Variants in REPS2 observed in about 807,000 individuals in gnomAD.
REPS2 encodes ralBP1-associated Eps domain-containing protein 2.
A neutral mutation model predicts 53.6 loss-of-function variants in REPS2; 23 were observed. That is an observed-to-expected ratio of 0.43 (90% CI 0.31 to 0.61). REPS2 has a LOEUF of 0.61. Ranked by LOEUF, REPS2 falls within the 20% of genes least tolerant of loss-of-function variation. REPS2 has a pLI of 0.11. For missense variants in REPS2, 446 were observed against 534.9 expected (o/e 0.83, Z 1.64); for synonymous variants, 238 against 218.6 (o/e 1.09, Z -0.78).
intron 13 of REPS2, chrX:17,100,083 G>A: frequency 9.3e-7 from 1 of 1,077,297 alleles, no homozygotes; most frequent in East Asian, 3.0e-5. Context: ...GCCTCCCTCT[G>A]ATTTGTCTAT....
chrX:17,070,060 T>C (rs1293098667), intron 11 of REPS2, 67 bp downstream of exon 11: 2 of 515,332 alleles, frequency 3.9e-6, no homozygotes, highest in Middle Eastern at 6.0e-4. Flanking sequence ...AGCAAGTCAG[T>C]GAGTAGAAGA....
At chrX:17,023,611 G>T (rs1347812288) in intron 3 of REPS2, among the ~76,000 whole-genome samples, 1 of 111,664 alleles carries the variant, frequency 9.0e-6, no homozygotes, top group East Asian at 2.8e-4. Context: ...ACAATTCCAT[G>T]TACTGTCACT....
In REPS2 at chrX:17,147,964, A is replaced by G. The variant is rs1341267325; in HGVS notation, c.*483A>G. The G allele has an allele frequency of 1.8e-5, 2 of 112,929 alleles. No individual in the cohort carries two copies. Among genetic ancestry groups the G allele is most frequent in the Non-Finnish European group, 3.7e-5 (2 of 53,568 alleles). 9.3% of individuals were successfully genotyped at this position (112,929 alleles called of 1,213,427 possible). A position where few individuals can be genotyped will look rare whatever the true frequency, so the allele number is the denominator to read the frequency against. On this transcript the variant is annotated 3_prime_UTR_variant, in exon 18 of 18. Coordinates refer to ENST00000357277, the MANE Select transcript of REPS2 (RefSeq NM_004726.3). The stretch of plus-strand genomic sequence containing the variant: ...CAACTAGATAGTCATTGGTGTGACC[A>G]TAATAAAAACAAAAGCTAAAATAAA...
chrX:17,113,081 G>A (rs1388869332), intron 14 of REPS2, among the ~76,000 whole-genome samples: 18 of 52,178 alleles, frequency 3.4e-4, no homozygotes, highest in African/African-American at 1.4e-3. Context: ...GACAGAGCAA[G>A]ACTCTGTCTC....
chrX:17,108,918 CT>C (rs566199087), intron 14 of REPS2, among the ~76,000 whole-genome samples: 233 of 86,537 alleles, frequency 2.7e-3, no homozygotes, highest in African/African-American at 2.5e-3. Flanking sequence ...AACAACAGAA[CT>C]TTTTTTTTTT....
At position 17,056,007 on chromosome X, in the gene REPS2, A is replaced by C. The variant is rs747637677; in HGVS notation, c.1114+1057A>C. Among the ~76,000 whole-genome samples, 77 of 110,971 alleles carry C rather than the reference A, an allele frequency of 6.9e-4. 2 individuals are homozygous for C. The highest frequency in any genetic ancestry group is 2.8e-3 in the East Asian group (10 of 3,550). The stretch of plus-strand genomic sequence containing the variant: ...GTATAATAAAAAAATAAAAAATAAA[A>C]AAACAAACAAACAAAAAAAAAAAAC... On this transcript the variant is annotated intron_variant, in intron 8 of 17. Transcript: ENST00000357277.
At chrX:17,011,783 G>A (rs2061432773) in intron 2 of REPS2, among the ~76,000 whole-genome samples, 1 of 110,221 alleles carries the variant, frequency 9.1e-6, no homozygotes, top group Admixed American at 9.7e-5. Context: ...CCAGCATGGT[G>A]AAACCTTGTC....
chrX:17,084,014 T>C (rs1272259002), intron 13 of REPS2, among the ~76,000 whole-genome samples: 1 of 111,096 alleles, frequency 9.0e-6, no homozygotes, highest in Non-Finnish European at 1.9e-5. Flanking sequence ...CACTATGTAA[T>C]TTCAGAATAT....
At chrX:17,093,595 C>G (rs776216152) in intron 13 of REPS2, among the ~76,000 whole-genome samples, 5 of 110,140 alleles carry the variant, frequency 4.5e-5, no homozygotes, top group Non-Finnish European at 7.6e-5. Context: ...TTGGTATTTC[C>G]TTCGTAATTC....
At chrX:17,087,924 C>CA (rs1284085860) in intron 13 of REPS2, among the ~76,000 whole-genome samples, 1 of 91,280 alleles carries the variant, frequency 1.1e-5, no homozygotes, top group Non-Finnish European at 2.2e-5. Context: ...GAGACTCTGT[C>CA]GATAGATAGA....
At chrX:17,022,475 A>G (rs1358976572) in intron 3 of REPS2, 12 of 305,376 alleles carry the variant, frequency 3.9e-5, no homozygotes, top group Non-Finnish European at 7.0e-5. Flanking sequence ...AGGGCCCTTT[A>G]GAGCCTACTT....
chrX:16,999,795 C>G (rs778003705), intron 1 of REPS2, among the ~76,000 whole-genome samples: 6 of 109,111 alleles, frequency 5.5e-5, no homozygotes, highest in African/African-American at 2.0e-4. Flanking sequence ...GCCTGTAATC[C>G]CAGCACTTTG....
intron 1 of REPS2, among the ~76,000 whole-genome samples, chrX:16,961,082 CAGAAAT>C (rs994998347): frequency 9.8e-5 from 11 of 111,742 alleles, no homozygotes; most frequent in Middle Eastern, 4.2e-3. Context: ...GCATTTTTCA[CAGAAAT>C]AGAAAAAACA....
intron 13 of REPS2, among the ~76,000 whole-genome samples, chrX:17,089,039 T>C (rs978735411): frequency 1.8e-5 from 2 of 111,613 alleles, no homozygotes; most frequent in Non-Finnish European, 3.8e-5. Flanking sequence ...AAAGGATGTA[T>C]TAAAGAATGA....
the REPS2 span, among the ~76,000 whole-genome samples, chrX:17,168,378 G>A: frequency 9.0e-6 from 1 of 111,453 alleles, no homozygotes; most frequent in Non-Finnish European, 1.9e-5. Flanking sequence ...GCTGGGCATG[G>A]TAGTGCATGC....
intron 1 of REPS2, among the ~76,000 whole-genome samples, chrX:16,981,965 G>GC (rs1355778224): frequency 9.0e-6 from 1 of 110,503 alleles, no homozygotes; most frequent in Non-Finnish European, 1.9e-5. Flanking sequence ...ACCCTCCATT[G>GC]CCCCCCAGTT....
Position 17,149,620 on chromosome X carries a change from A to G in REPS2, c.*2139A>G, listed in dbSNP as rs1414247578. On this transcript the variant is annotated 3_prime_UTR_variant, in exon 18 of 18. Coordinates refer to ENST00000357277, the MANE Select transcript of REPS2 (RefSeq NM_004726.3). ...CCGCCCGGCTATCAGCACTGTTCTG[A>G]TTGCAGACGTTTCACAGCATGTTTG... The G allele has an allele frequency of 1.8e-5, 2 of 112,274 alleles. No homozygotes were observed. Among genetic ancestry groups the G allele is most frequent in the East Asian group, 5.6e-4 (2 of 3,595 alleles). 9.3% of individuals were successfully genotyped at this position (112,274 alleles called of 1,213,427 possible). A position where few individuals can be genotyped will look rare whatever the true frequency, so the allele number is the denominator to read the frequency against.
rs762147003 is a variant in REPS2, at chrX:17,007,432, A to G, written c.397+1088A>G. On this transcript the variant is annotated intron_variant, in intron 2 of 17. Transcript: ENST00000357277. ...ATAAGCTGCGATAACAAATGTCACAATCTCAGTGCCTCAACCAGACAGAGG... is the reference window on the plus strand; with the variant it reads ...ATAAGCTGCGATAACAAATGTCACAGTCTCAGTGCCTCAACCAGACAGAGG... Among the ~76,000 whole-genome samples, 5 of 112,113 alleles carry G rather than the reference A, an allele frequency of 4.5e-5. No homozygotes were observed. In the Admixed American group the frequency reaches 4.7e-4, roughly 11 times the overall value.
At chrX:17,171,512 A>G in the REPS2 span, among the ~76,000 whole-genome samples, 1 of 111,485 alleles carries the variant, frequency 9.0e-6, no homozygotes, top group Non-Finnish European at 1.9e-5. Flanking sequence ...ATATCTGAAC[A>G]TATATGCCAT....
Sources: allele counts gnomAD v4.1 joint callset (sites outside exome capture counted in the v4.1 genomes callset), GRCh38; gene constraint gnomAD v4.1.1; transcripts MANE v1.5; gene names NCBI Gene and HGNC (gene_info 2026-07-23, HGNC 2026-07-21).